The following CCDC148 variants were observed in gnomAD, a reference collection of about 807,000 sequenced individuals.
CCDC148 encodes the protein coiled-coil domain containing 148.
In CCDC148, 89 loss-of-function variants were observed where a neutral mutation model predicts 85.7. The observed-to-expected ratio is 1.04, with a 90% CI of 0.87 to 1.24. The LOEUF (loss-of-function observed/expected upper bound fraction) is 1.24. Ranked by LOEUF, CCDC148 falls within the 50% of genes most tolerant of loss-of-function variation. The probability of loss-of-function intolerance (pLI) is 0.00; values close to 1 mark genes in which losing one functional copy is unlikely to be tolerated. For synonymous variants in CCDC148, 230 were observed against 213.9 expected, an observed-to-expected ratio of 1.08 and a Z score of -0.66; for missense variants, 692 against 671.7, an observed-to-expected ratio of 1.03 and a Z score of -0.33.
At chr2:158,217,377 T>C (rs1349798783) in intron 11 of CCDC148, among the ~76,000 whole-genome samples, 10 of 82,350 alleles carry the variant, frequency 1.2e-4, no homozygotes, top group Non-Finnish European at 1.9e-4. Context: ...TGTGTGTGTA[T>C]ATATATATAT....
At chr2:158,288,943 G>GA (rs1287913216) in intron 9 of CCDC148, 2 of 250,008 alleles carry the variant, frequency 8.0e-6, no homozygotes, top group Non-Finnish European at 7.8e-6. Context: ...GGCAGCAAGA[G>GA]AAAAATGAGG....
intron 7 of CCDC148, among the ~76,000 whole-genome samples, chr2:158,317,726 T>C (rs1282085286): frequency 6.6e-6 from 1 of 152,148 alleles, no homozygotes; most frequent in East Asian, 1.9e-4. Context: ...ACAGGACACA[T>C]ACAGGTAACA....
intron 1 of CCDC148, among the ~76,000 whole-genome samples, chr2:158,425,605 C>T (rs1292848464): frequency 6.6e-6 from 1 of 152,202 alleles, no homozygotes; most frequent in Non-Finnish European, 1.5e-5. Context: ...GTGTCAGGTA[C>T]CACATGGCTC....
intron 10 of CCDC148, among the ~76,000 whole-genome samples, chr2:158,233,110 C>A (rs576345201): frequency 6.6e-6 from 1 of 152,184 alleles, no homozygotes; most frequent in East Asian, 1.9e-4. Flanking sequence ...ATGCTTGTAT[C>A]AAATATCCCA....
intron 2 of CCDC148, among the ~76,000 whole-genome samples, chr2:158,348,964 C>G (rs1042483422): frequency 2.0e-5 from 3 of 151,982 alleles, no homozygotes; most frequent in Non-Finnish European, 4.4e-5. Context: ...CAAAATTGGT[C>G]TCAGTTTTTA....
intron 9 of CCDC148, among the ~76,000 whole-genome samples, chr2:158,293,329 A>T (rs1454533070): frequency 6.6e-6 from 1 of 152,124 alleles, no homozygotes; most frequent in African/African-American, 2.4e-5. Context: ...CACACCTTAC[A>T]CTTGTCTGCA....
chr2:158,403,903 A>G (rs908093343), intron 1 of CCDC148, among the ~76,000 whole-genome samples: 4 of 152,148 alleles, frequency 2.6e-5, no homozygotes, highest in African/African-American at 9.6e-5. Flanking sequence ...ATAAAACAGC[A>G]AAGGCACAAA....
At chr2:158,180,329 C>T (rs1684835987) in intron 11 of CCDC148, among the ~76,000 whole-genome samples, 1 of 152,110 alleles carries the variant, frequency 6.6e-6, no homozygotes. Context: ...TGCTGGGTTG[C>T]CATTTTTTAA....
chr2:158,324,210 C>T (rs1229131588), intron 7 of CCDC148, among the ~76,000 whole-genome samples: 1 of 151,972 alleles, frequency 6.6e-6, no homozygotes, highest in Non-Finnish European at 1.5e-5. Flanking sequence ...AGCCACTGCA[C>T]CTGGCCCAGG....
rs546942955 is a variant in CCDC148 at position 158,349,507 on chromosome 2, T to C, written c.148-4189A>G. Among the ~76,000 whole-genome samples the C allele has an allele frequency of 1.1e-4, 16 of 152,004 alleles. No homozygotes were observed. The South Asian group carries it at 3.3e-3, about 32-fold the overall frequency. ...ATTATAATAATAATTCTAGTTAGTG[T>C]GGATTGTTTGGTATCTTAGCATTCA... On this transcript the variant is annotated intron_variant, in intron 2 of 13. Coordinates refer to ENST00000283233, the MANE Select transcript of CCDC148 (RefSeq NM_138803.4).
At chr2:158,245,192 G>A (rs1440935749) in intron 10 of CCDC148, among the ~76,000 whole-genome samples, 1 of 152,094 alleles carries the variant, frequency 6.6e-6, no homozygotes, top group African/African-American at 2.4e-5. Flanking sequence ...CAGTCTACTG[G>A]TTTTTGTTTT....
chr2:158,264,107 C>A (rs532595342), intron 9 of CCDC148, among the ~76,000 whole-genome samples: 1 of 151,420 alleles, frequency 6.6e-6, no homozygotes, highest in South Asian at 2.1e-4. Flanking sequence ...TTTGGAGCTA[C>A]AAAATGGAGA....
At chr2:158,264,434 A>G (rs980100156) in intron 9 of CCDC148, among the ~76,000 whole-genome samples, 4 of 152,096 alleles carry the variant, frequency 2.6e-5, no homozygotes, top group Admixed American at 1.3e-4. Flanking sequence ...TTCCATTATC[A>G]TCAGCAGAAC....
intron 11 of CCDC148, among the ~76,000 whole-genome samples, chr2:158,214,101 A>G (rs1367501603): frequency 6.8e-6 from 1 of 146,408 alleles, no homozygotes; most frequent in Admixed American, 7.1e-5. Context: ...ACTAAAGAAC[A>G]CAAAGAATAA....
chr2:158,284,996 CA>C (rs1276255408), intron 9 of CCDC148, among the ~76,000 whole-genome samples: 1 of 152,018 alleles, frequency 6.6e-6, no homozygotes, highest in Non-Finnish European at 1.5e-5. Flanking sequence ...ATTAAGAATT[CA>C]GTGCATTAGG....
At chr2:158,250,568 C>G (rs1017252696) in intron 10 of CCDC148, among the ~76,000 whole-genome samples, 1 of 149,834 alleles carries the variant, frequency 6.7e-6, no homozygotes, top group Non-Finnish European at 1.5e-5. Context: ...TGTGCTCACA[C>G]AAATCAACAA....
intron 1 of CCDC148, among the ~76,000 whole-genome samples, chr2:158,433,012 T>A (rs1687425750): frequency 6.9e-6 from 1 of 144,184 alleles, no homozygotes; most frequent in Non-Finnish European, 1.5e-5. Context: ...CCAAGGTGGG[T>A]GGACTGCTTC....
At chr2:158,270,109 T>G (rs1689634598) in intron 9 of CCDC148, among the ~76,000 whole-genome samples, 2 of 152,174 alleles carry the variant, frequency 1.3e-5, no homozygotes, top group Admixed American at 6.5e-5. Context: ...GTCTCTTCAA[T>G]TAGAATCATA....
chr2:158,440,462 T>C (rs1687883473), intron 1 of CCDC148, among the ~76,000 whole-genome samples: 2 of 152,088 alleles, frequency 1.3e-5, no homozygotes, highest in Admixed American at 6.6e-5. Context: ...AATAAATACA[T>C]GCACAATAGT....
Sources: allele counts gnomAD v4.1 joint callset (sites outside exome capture counted in the v4.1 genomes callset), GRCh38; gene constraint gnomAD v4.1.1; transcripts MANE v1.5; gene names NCBI Gene and HGNC (gene_info 2026-07-23, HGNC 2026-07-21).